KCNG4: variants seen among roughly 807,000 people sequenced by gnomAD.
KCNG4 encodes the protein voltage-gated potassium channel regulatory subunit KCNG4.
A neutral mutation model predicts 28.2 loss-of-function variants in KCNG4; 30 were observed. The observed-to-expected ratio is 1.06, with a 90% CI of 0.80 to 1.44. The LOEUF is 1.44. Among genes scored for constraint, KCNG4 ranks in the 40% most tolerant of loss-of-function variants. The pLI is 0.00. For missense variants in KCNG4, 879 were observed against 712.3 expected (o/e 1.23, Z -2.66); for synonymous variants, 375 against 315.5 (o/e 1.19, Z -2.00).
chr16:84,228,896 G>A (rs547434613), intron 2 of KCNG4, among the ~76,000 whole-genome samples: 15 of 152,346 alleles, frequency 9.8e-5, no homozygotes, highest in Admixed American at 2.0e-4. Flanking sequence ...GCTGCCCTCC[G>A]GTTCATGCCC....
At position 84,237,489 on chromosome 16, in the gene KCNG4, T is replaced by C. The variant is rs750614737; in HGVS notation, c.-4A>G. 69 of 1,486,308 alleles carry C rather than the reference T, an allele frequency of 4.6e-5. No individual in the cohort carries two copies. The highest frequency in any genetic ancestry group is 5.8e-5 in the Non-Finnish European group (65 of 1,118,808). The allele number at this position is 1,486,308 out of a possible 1,614,324, so 92.1% of individuals were successfully genotyped here. ...CGTCTCTGGAAGGCATGGGCATTGC[T>C]GAAGACCACCAGGTAGGAAGCGCTG... is the stretch of plus-strand genomic sequence containing the variant. On this transcript the variant is annotated 5_prime_UTR_variant, in exon 2 of 3. Coordinates refer to ENST00000308251, the MANE Select transcript of KCNG4 (RefSeq NM_172347.3).
rs1904575321 is a variant in KCNG4 at position 84,222,074 on chromosome 16, T to A, written c.*143A>T. On this transcript the variant is annotated 3_prime_UTR_variant, in exon 3 of 3. Coordinates refer to ENST00000308251, the MANE Select transcript of KCNG4 (RefSeq NM_172347.3). ...GGACAAGGATCACAGACACACAGCC[T>A]CTGTGGCCTTATGCCCCTCCAGCTT... The A allele has an allele frequency of 1.1e-6, 1 of 899,996 alleles. No individual in the cohort carries two copies. Among genetic ancestry groups the A allele is most frequent in the Admixed American group, 2.2e-5 (1 of 46,060 alleles). 55.8% of individuals were successfully genotyped at this position (899,996 alleles called of 1,614,324 possible).
In KCNG4 at chr16:84,236,884, C is replaced by A. The variant is rs201786964; in HGVS notation, c.602G>T (p.Gly201Val). The A allele has an allele frequency of 6.2e-7, 1 of 1,613,452 alleles. No individual in the cohort carries two copies. The highest frequency in any genetic ancestry group is 2.2e-5 in the East Asian group (1 of 44,872). ...CTCGCGCAGCCGGTTCATGCACAGG[C>A]CCCAGCGCGAGGAGTGCGAGGCGGG... is the stretch of plus-strand genomic sequence containing the variant. ...RRPASHSSRW[G>V]LCMNRLREMV... Residue 201 changes from glycine to valine, a missense_variant, in exon 2 of 3, where the codon GGC (glycine) becomes GTC (valine). By Grantham distance (109) the Gly-to-Val change is moderately radical. Transcript: ENST00000308251.
chr16:84,237,167 C>G lies in KCNG4; in HGVS notation c.319G>C (p.Asp107His). 1.2e-6 allele frequency: 2 copies of G among 1,614,168 alleles called. No individual in the cohort carries two copies. The highest frequency in any genetic ancestry group is 1.1e-5 in the South Asian group (1 of 91,080). Residue 107 changes from aspartate to histidine, a missense_variant, in exon 2 of 3, where the codon GAC becomes CAC. By Grantham distance (81) the Asp-to-His change is moderately conservative. Coordinates refer to ENST00000308251, the MANE Select transcript of KCNG4 (RefSeq NM_172347.3). ...CTGTCGAAGAAGAACTCCTGGCTGT[C>G]CTCGTCGTAATCATCGCAGAGCTGC... ...IVQLCDDYDEDSQEFFFDRSP... is the reference protein window; with the variant it reads ...IVQLCDDYDEHSQEFFFDRSP...
chr16:84,231,460 GC>G (rs1904826971), intron 2 of KCNG4, among the ~76,000 whole-genome samples: 1 of 152,170 alleles, frequency 6.6e-6, no homozygotes, highest in Non-Finnish European at 1.5e-5. Flanking sequence ...GAGCTGCCCG[GC>G]CAGGGCTGAG....
At chr16:84,233,539 CA>C in intron 2 of KCNG4, among the ~76,000 whole-genome samples, 1 of 152,092 alleles carries the variant, frequency 6.6e-6, no homozygotes, top group Non-Finnish European at 1.5e-5. Flanking sequence ...CCTGTCTTTA[CA>C]AAAAATACAA....
At chr16:84,238,499 CG>C (rs1347643883) in intron 1 of KCNG4, among the ~76,000 whole-genome samples, 1 of 152,188 alleles carries the variant, frequency 6.6e-6, no homozygotes, top group Admixed American at 6.5e-5. Flanking sequence ...ATGTTCGTTG[CG>C]TGCTTGCCTC....
rs532992029 is a variant in KCNG4, at chr16:84,223,025, G to C, written c.757-5C>G. Reference sequence around the variant, plus strand: ...GCACTTCCGAGAGCATTCGCCCTGCGGGGAGAAGAGGCAACAACGCGGGGT... The same window carrying C: ...GCACTTCCGAGAGCATTCGCCCTGCCGGGAGAAGAGGCAACAACGCGGGGT... On this transcript the variant is annotated splice_polypyrimidine_tract_variant and splice_region_variant and intron_variant, in intron 2 of 2. Transcript: ENST00000308251. 1 of 1,517,254 alleles carries C rather than the reference G, an allele frequency of 6.6e-7. No individual in the cohort carries two copies. Among genetic ancestry groups the C allele is most frequent in the Non-Finnish European group, 8.8e-7 (1 of 1,132,636 alleles). The allele number at this position is 1,517,254 out of a possible 1,614,324, so 94.0% of individuals were successfully genotyped here.
Position 84,237,535 on chromosome 16 carries a change from AAGGGAC to A in KCNG4, c.-40-16_-40-11del, listed in dbSNP as rs1230010928. On this transcript the variant is annotated splice_polypyrimidine_tract_variant and intron_variant, in intron 1 of 2. Transcript: ENST00000308251. ...CGCTGGGTTTACCAGTCTGACACCC[AAGGGAC>A]AAAGAGCAAGCAAAAGGAAGGGAAA... 1.4e-6 allele frequency: 2 copies of A among 1,436,618 alleles called. No individual in the cohort carries two copies. Among genetic ancestry groups the A allele is most frequent in the Non-Finnish European group, 1.8e-6 (2 of 1,095,422 alleles). 89.0% of individuals were successfully genotyped at this position (1,436,618 alleles called of 1,614,324 possible). A position where few individuals can be genotyped will look rare whatever the true frequency, so the allele number is the denominator to read the frequency against.
intron 2 of KCNG4, among the ~76,000 whole-genome samples, chr16:84,229,656 T>C (rs1379645108): frequency 2.0e-5 from 3 of 151,996 alleles, no homozygotes; most frequent in Non-Finnish European, 4.4e-5. Flanking sequence ...GACTCATGAA[T>C]GAGTGTGGGT....
At position 84,237,269 on chromosome 16, in the gene KCNG4, G is replaced by A. The variant is rs909632099; in HGVS notation, c.217C>T (p.Pro73Ser). Residue 73 changes from proline (P) to serine (S), a missense_variant, in exon 2 of 3, where the codon CCC becomes TCC. Pro to Ser is a moderately conservative substitution (Grantham distance 74, BLOSUM62 -1). Coordinates refer to ENST00000308251, the MANE Select transcript of KCNG4 (RefSeq NM_172347.3). Reference sequence around the variant, plus strand: ...GGGAACCGGTCCAGTGTGCTCCAGGGGAGGAGATACCTCCTGCCCCCCACG... The same window carrying A: ...GGGAACCGGTCCAGTGTGCTCCAGGAGAGGAGATACCTCCTGCCCCCCACG... Reference protein sequence around the residue: ...INVGGRRYLLPWSTLDRFPLS... With the variant: ...INVGGRRYLLSWSTLDRFPLS... 1.2e-6 allele frequency: 2 copies of A among 1,611,760 alleles called. No individual in the cohort carries two copies. Among genetic ancestry groups the A allele is most frequent in the Middle Eastern group, 1.6e-4 (1 of 6,066 alleles).
At chr16:84,236,643 T>G in intron 2 of KCNG4, 87 bp downstream of exon 2, 1 of 1,322,896 alleles carries the variant, frequency 7.6e-7, no homozygotes. Context: ...TTTTAAGATC[T>G]GAAGACATTT....
intron 2 of KCNG4, chr16:84,236,375 C>T (rs1457134978): frequency 2.3e-5 from 9 of 392,936 alleles, no homozygotes; most frequent in Non-Finnish European, 3.2e-5. Flanking sequence ...GAGTGGGAGA[C>T]AGGCTCAGAG....
At position 84,229,980 on chromosome 16, in the gene KCNG4, A is replaced by C. The variant is rs546375407; in HGVS notation, c.756+6750T>G. 4.6e-5 allele frequency among the ~76,000 whole-genome samples: 7 copies of C among 152,264 alleles called. No homozygotes were observed. In the South Asian group the frequency reaches 1.5e-3, roughly 32 times the overall value. On this transcript the variant is annotated intron_variant, in intron 2 of 2. Coordinates refer to ENST00000308251, the MANE Select transcript of KCNG4 (RefSeq NM_172347.3). Reference sequence around the variant, plus strand: ...TGGTCCGAGAAAGGGACAGATGAGGAGGCAGGAGCTGGCTCTTGTACAGGG... The same window carrying C: ...TGGTCCGAGAAAGGGACAGATGAGGCGGCAGGAGCTGGCTCTTGTACAGGG...
At chr16:84,236,540 T>TAAA in intron 2 of KCNG4, 190 bp downstream of exon 2, 13 of 685,648 alleles carry the variant, frequency 1.9e-5, no homozygotes, top group South Asian at 4.9e-5. Flanking sequence ...AGGACTCCAA[T>TAAA]AAAAAAAAAA....
At position 84,222,052 on chromosome 16, in the gene KCNG4, C is replaced by T; in HGVS notation, c.*165G>A. On this transcript the variant is annotated 3_prime_UTR_variant, in exon 3 of 3. Coordinates refer to ENST00000308251, the MANE Select transcript of KCNG4 (RefSeq NM_172347.3). ...CCTGGGACATCGGGGCCCCGAGGGA[C>T]AAGGATCACAGACACACAGCCTCTG... The T allele has an allele frequency of 1.3e-6, 1 of 792,520 alleles. No individual in the cohort carries two copies. Among genetic ancestry groups the T allele is most frequent in the South Asian group, 1.7e-5 (1 of 58,984 alleles). 49.1% of individuals were successfully genotyped at this position (792,520 alleles called of 1,614,324 possible).
chr16:84,220,276 C>G lies in KCNG4; in HGVS notation c.*1941G>C, dbSNP rs1381510521. ...TCATGGCCACTGAACCACTATGTCA[C>G]CTGGTGACATGTCAGCTTGGGAAAG... On this transcript the variant is annotated 3_prime_UTR_variant, in exon 3 of 3. Coordinates refer to ENST00000308251, the MANE Select transcript of KCNG4 (RefSeq NM_172347.3). 1 of 152,100 alleles carries G rather than the reference C, an allele frequency of 6.6e-6. No individual in the cohort carries two copies. The highest frequency in any genetic ancestry group is 1.9e-4 in the East Asian group (1 of 5,176). The allele number at this position is 152,100 out of a possible 1,614,324, so 9.4% of individuals were successfully genotyped here.
chr16:84,222,506 A>T lies in KCNG4; in HGVS notation c.1271T>A (p.Met424Lys). 1.9e-6 allele frequency: 3 copies of T among 1,613,424 alleles called. No individual in the cohort carries two copies. The highest frequency in any genetic ancestry group is 1.7e-6 in the Non-Finnish European group (2 of 1,179,786). Residue 424 changes from methionine (M) to lysine (K), a missense_variant, in exon 3 of 3, where the codon ATG (methionine) becomes AAG (lysine). Coordinates refer to ENST00000308251, the MANE Select transcript of KCNG4 (RefSeq NM_172347.3). ...ISMTTVGYGDMVPRSVPGQMV... is the reference protein window; with the variant it reads ...ISMTTVGYGDKVPRSVPGQMV... ...CTGGCCTGGCACACTGCGGGGCACCATGTCCCCGTAGCCCACCGTTGTCAT... is the reference window on the plus strand; with the variant it reads ...CTGGCCTGGCACACTGCGGGGCACCTTGTCCCCGTAGCCCACCGTTGTCAT...
chr16:84,232,295 A>G (rs1904845774), intron 2 of KCNG4, among the ~76,000 whole-genome samples: 1 of 152,244 alleles, frequency 6.6e-6, no homozygotes, highest in African/African-American at 2.4e-5. Flanking sequence ...ATGGACCTTG[A>G]AGACATGATG....
Sources: allele counts gnomAD v4.1 joint callset (sites outside exome capture counted in the v4.1 genomes callset), GRCh38; gene constraint gnomAD v4.1.1; transcripts MANE v1.5; gene names NCBI Gene and HGNC (gene_info 2026-07-23, HGNC 2026-07-21).